RNLS: variants seen among roughly 807,000 people sequenced by gnomAD.
RNLS encodes the protein renalase.
In RNLS, 39 loss-of-function variants were observed where a neutral mutation model predicts 39.8. That is an observed-to-expected ratio of 0.98 (90% CI 0.76 to 1.28). The LOEUF is 1.28. RNLS is among the 50% of genes most tolerant of loss of function. RNLS has a pLI of 0.00. For synonymous variants in RNLS, 147 were observed against 150.7 expected, an observed-to-expected ratio of 0.98 and a Z score of 0.18; for missense variants, 410 against 413.3, an observed-to-expected ratio of 0.99 and a Z score of 0.07.
chr10:88,486,329 G>C (rs1844518488), intron 4 of RNLS, among the ~76,000 whole-genome samples: 1 of 152,026 alleles, frequency 6.6e-6, no homozygotes, highest in Non-Finnish European at 1.5e-5. Context: ...TCATGACAAA[G>C]ATGCCAAAAG....
intron 4 of RNLS, among the ~76,000 whole-genome samples, chr10:88,511,416 AC>A (rs1172411085): frequency 6.6e-6 from 1 of 152,136 alleles, no homozygotes; most frequent in African/African-American, 2.4e-5. Context: ...AAAGGAAAGA[AC>A]CAGAAGTTTA....
chr10:88,285,654 G>C, intron 6 of RNLS, 148 bp from the exon 7 acceptor site: 1 of 667,520 alleles, frequency 1.5e-6, no homozygotes. Flanking sequence ...GCACACACAA[G>C]AAACAAAAAA....
At chr10:88,202,214 C>T in the RNLS span, among the ~76,000 whole-genome samples, 1 of 148,370 alleles carries the variant, frequency 6.7e-6, no homozygotes, top group Non-Finnish European at 1.5e-5. Context: ...AACCAAGCAC[C>T]GCATGTTCGC....
In RNLS at chr10:88,327,759, C is replaced by T. The variant is rs989326245; in HGVS notation, c.701-13118G>A. ...CATTTTGTATGTATGTATGTATGTA[C>T]GTATGTATGTATTTTTGTATTTTAG... On this transcript the variant is annotated intron_variant, in intron 5 of 6. Coordinates refer to ENST00000331772, the MANE Select transcript of RNLS (RefSeq NM_001031709.3). Among the ~76,000 whole-genome samples the T allele has an allele frequency of 5.3e-5, 8 of 152,022 alleles. No homozygotes were observed. In the South Asian group the frequency reaches 6.2e-4, roughly 12 times the overall value.
chr10:88,547,138 G>C (rs932927372), intron 4 of RNLS, among the ~76,000 whole-genome samples: 8 of 152,286 alleles, frequency 5.3e-5, no homozygotes, highest in African/African-American at 1.9e-4. Flanking sequence ...AACACCTTGC[G>C]ATAATCTTCA....
At chr10:88,313,812 A>C (rs1352722909) in intron 6 of RNLS, among the ~76,000 whole-genome samples, 2 of 152,218 alleles carry the variant, frequency 1.3e-5, no homozygotes, top group African/African-American at 4.8e-5. Context: ...TACGGATCAA[A>C]AGACTTTTTC....
chr10:88,582,226 G>A lies in RNLS; in HGVS notation c.200C>T (p.Pro67Leu), dbSNP rs369122040. 30 of 1,613,590 alleles carry A rather than the reference G, an allele frequency of 1.9e-5. No homozygotes were observed. In the East Asian group the frequency reaches 5.6e-4, roughly 30 times the overall value. The change falls in exon 2 of 7, where the codon CCT becomes CTT. Residue 67 changes from proline to leucine, a missense_variant. By Grantham distance (98) the Pro-to-Leu change is moderately conservative. Transcript: ENST00000331772. ...DLGAQYITCTPHYAKKHQRFY... is the reference protein window; with the variant it reads ...DLGAQYITCTLHYAKKHQRFY... The stretch of plus-strand genomic sequence containing the variant: ...CCGTTGGTGTTTTTTGGCATAATGA[G>A]GAGTGCAGGTGATGTACTGAGCACC...
At chr10:88,294,778 T>A (rs1383783770) in intron 6 of RNLS, among the ~76,000 whole-genome samples, 1 of 152,168 alleles carries the variant, frequency 6.6e-6, no homozygotes, top group Non-Finnish European at 1.5e-5. Context: ...GCTCAAAGAA[T>A]GAATGAACAC....
At chr10:88,306,345 A>T (rs950830956) in intron 6 of RNLS, among the ~76,000 whole-genome samples, 4 of 152,194 alleles carry the variant, frequency 2.6e-5, no homozygotes, top group Non-Finnish European at 4.4e-5. Flanking sequence ...ACTGAAAGAG[A>T]TTGAGACACA....
rs150055632 is a variant in RNLS, at chr10:88,363,679, G to C, written c.527-954C>G. Among the ~76,000 whole-genome samples, 390 of 152,236 alleles carry C rather than the reference G, an allele frequency of 2.6e-3. 2 individuals are homozygous for C. Among genetic ancestry groups the C allele is most frequent in the African/African-American group, 8.9e-3 (370 of 41,536 alleles). On this transcript the variant is annotated intron_variant, in intron 4 of 6. Transcript: ENST00000331772. ...ACAGACATGCAAAGAAATAATGTCT[G>C]TGTCAACTTCTTCACAAAAGAAGTT...
intron 4 of RNLS, among the ~76,000 whole-genome samples, chr10:88,476,161 G>C (rs539105768): frequency 6.6e-6 from 1 of 152,164 alleles, no homozygotes; most frequent in South Asian, 2.1e-4. Flanking sequence ...TGCTTTTTAT[G>C]GAATGCCTAT....
At chr10:88,202,305 G>C in the RNLS span, among the ~76,000 whole-genome samples, 2 of 123,818 alleles carry the variant, frequency 1.6e-5, no homozygotes, top group Non-Finnish European at 3.3e-5. Flanking sequence ...ATGTGGGGTG[G>C]GGGGAGGGGG....
chr10:88,338,030 C>A (rs1040692999), intron 5 of RNLS, among the ~76,000 whole-genome samples: 1 of 152,160 alleles, frequency 6.6e-6, no homozygotes, highest in African/African-American at 2.4e-5. Flanking sequence ...TTCTTCTGGG[C>A]CTCAATTTCT....
At chr10:88,572,126 G>C (rs918416997) in intron 4 of RNLS, among the ~76,000 whole-genome samples, 1 of 152,090 alleles carries the variant, frequency 6.6e-6, no homozygotes, top group Non-Finnish European at 1.5e-5. Flanking sequence ...CCACCTCTGA[G>C]AGTAAATAGC....
intron 6 of RNLS, among the ~76,000 whole-genome samples, chr10:88,277,075 C>T (rs1334406498): frequency 2.0e-5 from 3 of 152,130 alleles, no homozygotes; most frequent in African/African-American, 7.2e-5. Context: ...TGGAACCAAC[C>T]CAAATGTCCA....
At chr10:88,281,733 C>G (rs1843017157), downstream of RNLS, among the ~76,000 whole-genome samples, 1 of 152,128 alleles carries the variant, frequency 6.6e-6, no homozygotes, top group Admixed American at 6.6e-5. Flanking sequence ...GATCATCCCT[C>G]TGGGATGGCT....
At chr10:88,299,532 G>T (rs1844351901) in intron 6 of RNLS, among the ~76,000 whole-genome samples, 1 of 152,200 alleles carries the variant, frequency 6.6e-6, no homozygotes, top group Non-Finnish European at 1.5e-5. Context: ...GCCTGAGGCA[G>T]GAGAATTGCT....
At chr10:88,272,119 A>C (rs567832101), downstream of RNLS, among the ~76,000 whole-genome samples, 6 of 152,272 alleles carry the variant, frequency 3.9e-5, no homozygotes, top group Admixed American at 1.3e-4. Context: ...TCTCACCTCC[A>C]GATTTGGACT....
At chr10:88,266,588 G>A in the RNLS span, among the ~76,000 whole-genome samples, 1 of 151,852 alleles carries the variant, frequency 6.6e-6, no homozygotes, top group East Asian at 1.9e-4. Flanking sequence ...AGAAGTTGTG[G>A]GTGGGACTTG....
Sources: gnomAD v4.1 joint callset for allele counts (sites outside exome capture counted in the v4.1 genomes callset) on GRCh38, gnomAD v4.1.1 for gene constraint, MANE v1.5 for transcripts, NCBI Gene and HGNC (gene_info 2026-07-23, HGNC 2026-07-21) for gene names.